Variants in MBD5 observed in about 807,000 individuals in gnomAD.
The protein encoded by MBD5 is methyl-CpG binding domain protein 5.
In MBD5, 13 loss-of-function variants were observed where a neutral mutation model predicts 117.3. The observed-to-expected ratio is 0.11, with a 90% confidence interval of 0.07 to 0.18. The LOEUF (loss-of-function observed/expected upper bound fraction) is 0.18. Among genes scored for constraint, MBD5 ranks in the 10% least tolerant of loss-of-function variants. The probability of loss-of-function intolerance (pLI) is 1.00; values close to 1 mark genes in which losing one functional copy is unlikely to be tolerated. For missense variants in MBD5, 1,879 were observed against 2,093.8 expected, an observed-to-expected ratio of 0.90 and a Z score of 2.00; for synonymous variants, 727 against 766.4, an observed-to-expected ratio of 0.95 and a Z score of 0.85.
At chr2:148,195,530 C>T (rs1472381877) in intron 2 of MBD5, among the ~76,000 whole-genome samples, 1 of 152,114 alleles carries the variant, frequency 6.6e-6, no homozygotes, top group Non-Finnish European at 1.5e-5. Context: ...TAGAAACCTT[C>T]AACAACACTA....
intron 11 of MBD5, among the ~76,000 whole-genome samples, chr2:148,495,022 T>C (rs1295644770): frequency 1.3e-5 from 2 of 152,194 alleles, no homozygotes; most frequent in African/African-American, 4.8e-5. Context: ...ATAGTTATAC[T>C]TGTTCTAAAT....
At chr2:148,324,368 G>C (rs1427962269) in intron 3 of MBD5, among the ~76,000 whole-genome samples, 1 of 152,060 alleles carries the variant, frequency 6.6e-6, no homozygotes, top group Non-Finnish European at 1.5e-5. Context: ...TTCCAATTCT[G>C]TGAAGAAAGG....
At chr2:148,139,564 A>T (rs995177243) in intron 1 of MBD5, among the ~76,000 whole-genome samples, 2 of 152,132 alleles carry the variant, frequency 1.3e-5, no homozygotes, top group Non-Finnish European at 2.9e-5. Flanking sequence ...GAAGTCTCTG[A>T]TGCAAAAACG....
chr2:148,178,348 A>G (rs2105838474), intron 1 of MBD5, among the ~76,000 whole-genome samples: 1 of 152,264 alleles, frequency 6.6e-6, no homozygotes, highest in African/African-American at 2.4e-5. Context: ...CAGGGAAACT[A>G]TTTTTTAGAA....
intron 4 of MBD5, among the ~76,000 whole-genome samples, chr2:148,421,604 G>T (rs547319531): frequency 6.6e-6 from 1 of 152,106 alleles, no homozygotes. Flanking sequence ...CTTGGAAAGG[G>T]GGTTGAAGCC....
chr2:148,371,679 A>G lies in MBD5; in HGVS notation c.-557+29343A>G, dbSNP rs1703856745. 3.3e-5 allele frequency among the ~76,000 whole-genome samples: 5 copies of G among 152,314 alleles called. No homozygotes were observed. In the South Asian group the frequency reaches 1.0e-3, roughly 32 times the overall value. ...AATTTCAAGTCAAGGCCTGTTTATT[A>G]CATCAGGCAGTTTTCATCATTTTCT... On this transcript the variant is annotated intron_variant, in intron 4 of 13. Coordinates refer to ENST00000642680, the MANE Select transcript of MBD5 (RefSeq NM_001378120.1).
At chr2:148,271,281 C>T (rs552273903) in intron 3 of MBD5, among the ~76,000 whole-genome samples, 13 of 151,996 alleles carry the variant, frequency 8.6e-5, no homozygotes, top group Admixed American at 2.6e-4. Flanking sequence ...CTTTGTAGTA[C>T]GGAATATAAT....
intron 4 of MBD5, among the ~76,000 whole-genome samples, chr2:148,427,142 T>G (rs1339147791): frequency 6.6e-6 from 1 of 152,062 alleles, no homozygotes; most frequent in Non-Finnish European, 1.5e-5. Context: ...CATTAAAAAG[T>G]CAGGAAACAA....
At chr2:148,246,508 T>A (rs1157405110) in intron 3 of MBD5, among the ~76,000 whole-genome samples, 1 of 152,160 alleles carries the variant, frequency 6.6e-6, no homozygotes, top group African/African-American at 2.4e-5. Context: ...CGGTGGCTCA[T>A]GCCTGTAATC....
At chr2:148,503,433 G>A (rs13008472) in intron 12 of MBD5, among the ~76,000 whole-genome samples, 6,195 of 152,200 alleles carry the variant, frequency 0.041, 159 homozygotes, top group African/African-American at 0.059. Context: ...AGAATGATTC[G>A]TAGTGTATCT....
chr2:148,383,811 A>C (rs1256639345), intron 4 of MBD5, among the ~76,000 whole-genome samples: 3 of 152,150 alleles, frequency 2.0e-5, no homozygotes, highest in Non-Finnish European at 4.4e-5. Context: ...TCAACATATG[A>C]AAGTCAATAA....
intron 12 of MBD5, among the ~76,000 whole-genome samples, chr2:148,508,121 C>T (rs1001522927): frequency 1.3e-5 from 2 of 152,042 alleles, no homozygotes; most frequent in African/African-American, 4.8e-5. Context: ...CAAAAGGGGC[C>T]CCAGCCCAGC....
intron 1 of MBD5, among the ~76,000 whole-genome samples, chr2:148,137,966 C>T (rs925934031): frequency 2.0e-5 from 3 of 152,162 alleles, no homozygotes; most frequent in African/African-American, 7.2e-5. Context: ...TGCATGATGA[C>T]GGAATTGCCT....
chr2:148,422,938 A>G lies in MBD5; in HGVS notation c.-556-35265A>G, dbSNP rs113213489. Among the ~76,000 whole-genome samples the G allele has an allele frequency of 5.5e-3, 842 of 152,316 alleles. 7 individuals carry two copies. Among genetic ancestry groups the G allele is most frequent in the African/African-American group, 0.02 (815 of 41,572 alleles). On this transcript the variant is annotated intron_variant, in intron 4 of 13. Coordinates refer to ENST00000642680, the MANE Select transcript of MBD5 (RefSeq NM_001378120.1). ...AAGAAACATGGGACTATGTGCAAAGACCAAATCTCTGCTTGATTAGCATAC... is the reference window on the plus strand; with the variant it reads ...AAGAAACATGGGACTATGTGCAAAGGCCAAATCTCTGCTTGATTAGCATAC...
chr2:148,448,721 C>T (rs1706639239), intron 4 of MBD5, among the ~76,000 whole-genome samples: 2 of 151,758 alleles, frequency 1.3e-5, no homozygotes, highest in African/African-American at 4.8e-5. Flanking sequence ...CCCAAATGGA[C>T]ATAATTTGCA....
chr2:148,231,266 T>C (rs1290420837), intron 2 of MBD5, among the ~76,000 whole-genome samples: 1 of 152,148 alleles, frequency 6.6e-6, no homozygotes, highest in Non-Finnish European at 1.5e-5. Flanking sequence ...TAAACAGGCC[T>C]GGTTAAAATG....
chr2:148,052,603 G>A (rs111876255), intron 1 of MBD5, among the ~76,000 whole-genome samples: 2,699 of 151,278 alleles, frequency 0.018, 77 homozygotes, highest in African/African-American at 0.057. Context: ...TTATGTTTTC[G>A]TCTTAATTTA....
chr2:148,148,227 A>T (rs1040717132), intron 1 of MBD5, among the ~76,000 whole-genome samples: 1 of 152,204 alleles, frequency 6.6e-6, no homozygotes, highest in African/African-American at 2.4e-5. Context: ...AATGGTGACT[A>T]TTCTATGAGA....
intron 1 of MBD5, among the ~76,000 whole-genome samples, chr2:148,130,669 T>C (rs1346952349): frequency 6.6e-6 from 1 of 152,142 alleles, no homozygotes; most frequent in Non-Finnish European, 1.5e-5. Flanking sequence ...TGCCTGTGTA[T>C]TAAAACACTG....
Sources: gnomAD v4.1 joint callset for allele counts (sites outside exome capture counted in the v4.1 genomes callset) on GRCh38, gnomAD v4.1.1 for gene constraint, MANE v1.5 for transcripts, NCBI Gene and HGNC (gene_info 2026-07-23, HGNC 2026-07-21) for gene names.